KIAA0586: variants seen among roughly 807,000 people sequenced by gnomAD.
The protein encoded by KIAA0586 is protein TALPID3.
KIAA0586 carries 144 observed loss-of-function variants against 169.8 expected under a neutral mutation model. The ratio of observed to expected loss-of-function variants is 0.85; its 90% CI spans 0.74 to 0.97. The LOEUF (loss-of-function observed/expected upper bound fraction) is 0.97, where lower values mean the gene tolerates loss of function less well. Ranked by LOEUF, KIAA0586 falls within the 50% of genes least tolerant of loss-of-function variation. KIAA0586 has a pLI of 0.00. For synonymous variants in KIAA0586, 625 were observed against 612.4 expected, an observed-to-expected ratio of 1.02 and a Z score of -0.30; for missense variants, 1,854 against 1,823.0, an observed-to-expected ratio of 1.02 and a Z score of -0.31.
chr14:58,472,145 A>T, intron 17 of KIAA0586, 54 bp from the exon 18 acceptor site: 1 of 879,982 alleles, frequency 1.1e-6, no homozygotes, highest in Non-Finnish European at 1.7e-6. Context: ...TAAATTACTT[A>T]TAAATTTTAA....
intron 24 of KIAA0586, among the ~76,000 whole-genome samples, chr14:58,489,929 T>C (rs925794235): frequency 2.0e-5 from 3 of 152,178 alleles, no homozygotes; most frequent in African/African-American, 7.2e-5. Context: ...TTGATATTTA[T>C]AGTTTTTAAT....
At chr14:58,502,895 G>A (rs528486634) in intron 27 of KIAA0586, among the ~76,000 whole-genome samples, 10 of 152,180 alleles carry the variant, frequency 6.6e-5, no homozygotes, top group Middle Eastern at 3.4e-3. Flanking sequence ...ATTGCTTTTC[G>A]TCTTGATTTT....
chr14:58,529,201 A>G lies in KIAA0586; in HGVS notation c.4430-10870A>G, dbSNP rs544143577. On this transcript the variant is annotated intron_variant, in intron 29 of 30. Coordinates refer to ENST00000652326, the MANE Select transcript of KIAA0586 (RefSeq NM_001329943.3). ...AGATCAATAACAAGTTCTGAAATTG[A>G]GGCAGTAATTAATAGCCTACCAACC... is the stretch of plus-strand genomic sequence containing the variant. Among the ~76,000 whole-genome samples the G allele has an allele frequency of 1.5e-4, 23 of 152,326 alleles. No homozygotes were observed. The South Asian group carries it at 1.9e-3, about 12-fold the overall frequency.
rs190282466 is a variant in KIAA0586, at chr14:58,505,845, C to T, written c.4169-2710C>T. On this transcript the variant is annotated intron_variant, in intron 27 of 30. Coordinates refer to ENST00000652326, the MANE Select transcript of KIAA0586 (RefSeq NM_001329943.3). Reference sequence around the variant, plus strand: ...TATTTGTATTGTAAATATCTTTATCCAAATTTATATTTTGCTCATTGACAT... The same window carrying T: ...TATTTGTATTGTAAATATCTTTATCTAAATTTATATTTTGCTCATTGACAT... 4.6e-5 allele frequency among the ~76,000 whole-genome samples: 7 copies of T among 151,892 alleles called. No homozygotes were observed. The South Asian group carries it at 6.2e-4, about 14-fold the overall frequency.
intron 14 of KIAA0586, among the ~76,000 whole-genome samples, chr14:58,462,873 C>T (rs1366388291): frequency 6.6e-6 from 1 of 152,058 alleles, no homozygotes; most frequent in Non-Finnish European, 1.5e-5. Context: ...GCAAAGAAAG[C>T]CATGCCCTTT....
In KIAA0586 at chr14:58,456,796, A is replaced by G; in HGVS notation, c.1348A>G (p.Asn450Asp). 6.3e-7 allele frequency: 1 copy of G among 1,579,058 alleles called. No homozygotes were observed. The change falls in exon 10 of 31, where the codon AAT (asparagine) becomes GAT (aspartate). Residue 450 changes from asparagine to aspartate, a missense_variant. Asn to Asp is a conservative substitution (Grantham distance 23). Transcript: ENST00000652326. ...CCTTGGCCAAAAAGAGAAAGAAACA[A>G]ATAGCATGGTCCAGGTAAAGTGGGA... ...HDLGQKEKETNSMVQPKESLS... is the reference protein window; with the variant it reads ...HDLGQKEKETDSMVQPKESLS...
At chr14:58,538,807 C>A (rs2046461861) in intron 29 of KIAA0586, among the ~76,000 whole-genome samples, 1 of 151,944 alleles carries the variant, frequency 6.6e-6, no homozygotes, top group Admixed American at 6.6e-5. Context: ...TCTTTTCCAG[C>A]CTGGCTCTGT....
At chr14:58,466,896 A>C (rs971246929) in intron 15 of KIAA0586, among the ~76,000 whole-genome samples, 2 of 150,588 alleles carry the variant, frequency 1.3e-5, no homozygotes, top group Non-Finnish European at 2.9e-5. Flanking sequence ...ATCTAAGCCA[A>C]TAGTTGTTTA....
chr14:58,525,651 A>G (rs984865655), intron 29 of KIAA0586, among the ~76,000 whole-genome samples: 3 of 152,246 alleles, frequency 2.0e-5, no homozygotes, highest in Non-Finnish European at 1.5e-5. Context: ...GCAGACACCA[A>G]GCTAGCTGCA....
At chr14:58,461,399 A>G (rs1405547208) in intron 14 of KIAA0586, among the ~76,000 whole-genome samples, 1 of 152,162 alleles carries the variant, frequency 6.6e-6, no homozygotes, top group African/African-American at 2.4e-5. Context: ...CTTCAGATAA[A>G]GCATCATAAA....
At chr14:58,491,041 C>T (rs1158839710) in intron 25 of KIAA0586, among the ~76,000 whole-genome samples, 1 of 151,954 alleles carries the variant, frequency 6.6e-6, no homozygotes, top group Non-Finnish European at 1.5e-5. Context: ...GTGAAGAGAG[C>T]ATAGCAATCA....
At chr14:58,513,285 C>G (rs962548003) in intron 29 of KIAA0586, among the ~76,000 whole-genome samples, 1 of 152,024 alleles carries the variant, frequency 6.6e-6, no homozygotes, top group Non-Finnish European at 1.5e-5. Context: ...AAACTTTCTG[C>G]CCACAATTCT....
chr14:58,522,009 GA>G (rs1408565415), intron 29 of KIAA0586: 33 of 1,272,398 alleles, frequency 2.6e-5, no homozygotes, highest in Non-Finnish European at 3.4e-5. Flanking sequence ...GTGGGGTTTA[GA>G]AATCTTATCC....
chr14:58,547,693 C>A (rs2047065100), intron 30 of KIAA0586, 88 bp from the exon 31 acceptor site: 3 of 1,133,384 alleles, frequency 2.6e-6, no homozygotes, highest in South Asian at 1.4e-5. Context: ...CGCCCCCCCA[C>A]CCCAACCTCA....
chr14:58,476,611 A>G (rs2041643280), intron 19 of KIAA0586, among the ~76,000 whole-genome samples: 1 of 151,782 alleles, frequency 6.6e-6, no homozygotes. Context: ...ATTTGATTTC[A>G]TAAACTATCT....
chr14:58,488,974 T>C (rs1045089868), intron 24 of KIAA0586, 100 bp downstream of exon 24: 4 of 1,261,874 alleles, frequency 3.2e-6, no homozygotes, highest in Admixed American at 2.2e-5. Flanking sequence ...TTTCAAGATT[T>C]AACATGGTAT....
intron 27 of KIAA0586, among the ~76,000 whole-genome samples, chr14:58,505,532 A>G (rs1368572554): frequency 6.6e-6 from 1 of 152,218 alleles, no homozygotes; most frequent in African/African-American, 2.4e-5. Context: ...TTAGAAATAG[A>G]TAATGCCAAG....
chr14:58,487,773 C>A, intron 22 of KIAA0586, 114 bp from the exon 23 acceptor site: 1 of 629,782 alleles, frequency 1.6e-6, no homozygotes. Context: ...ATTATAATTG[C>A]CATTATTTGT....
At chr14:58,494,410 T>A (rs1236313214) in intron 26 of KIAA0586, among the ~76,000 whole-genome samples, 1 of 152,062 alleles carries the variant, frequency 6.6e-6, no homozygotes, top group Non-Finnish European at 1.5e-5. Flanking sequence ...TCATTCACTT[T>A]GTTGTCTGTT....
Sources: gnomAD v4.1 joint callset for allele counts (sites outside exome capture counted in the v4.1 genomes callset) on GRCh38, gnomAD v4.1.1 for gene constraint, MANE v1.5 for transcripts, NCBI Gene and HGNC (gene_info 2026-07-23, HGNC 2026-07-21) for gene names.